The following CDKAL1 variants were observed in gnomAD, a reference collection of about 807,000 sequenced individuals.
CDKAL1 encodes threonylcarbamoyladenosine tRNA methylthiotransferase.
A neutral mutation model predicts 68.2 loss-of-function variants in CDKAL1; 32 were observed. The observed-to-expected ratio is 0.47, with a 90% confidence interval of 0.35 to 0.63. The LOEUF is 0.63. Ranked by LOEUF, CDKAL1 falls within the 30% of genes least tolerant of loss-of-function variation. CDKAL1 has a pLI of 0.00. For missense variants in CDKAL1, 606 were observed against 696.7 expected, an observed-to-expected ratio of 0.87 and a Z score of 1.47; for synonymous variants, 234 against 244.3, an observed-to-expected ratio of 0.96 and a Z score of 0.39.
At chr6:21,082,555 A>G (rs1386701570) in intron 12 of CDKAL1, among the ~76,000 whole-genome samples, 2 of 152,242 alleles carry the variant, frequency 1.3e-5, no homozygotes. Context: ...TACTCATCCG[A>G]TAAATTCAAA....
At chr6:21,161,676 G>C (rs533128889) in intron 13 of CDKAL1, among the ~76,000 whole-genome samples, 88 of 152,296 alleles carry the variant, frequency 5.8e-4, no homozygotes, top group Non-Finnish European at 1.1e-3. Context: ...AGAGAAAAGA[G>C]TCTCAAAATT....
intron 13 of CDKAL1, among the ~76,000 whole-genome samples, chr6:21,137,376 C>T (rs574038394): frequency 6.2e-4 from 95 of 152,136 alleles, no homozygotes; most frequent in African/African-American, 2.1e-3. Flanking sequence ...TGTACTTGAC[C>T]GTCACCGCCA....
intron 13 of CDKAL1, among the ~76,000 whole-genome samples, chr6:21,160,628 T>C (rs928803855): frequency 1.5e-5 from 2 of 137,392 alleles, no homozygotes; most frequent in African/African-American, 5.2e-5. Context: ...CTGTAATTTT[T>C]GGACACAGAC....
chr6:20,790,216 A>T (rs1775839274), intron 8 of CDKAL1, among the ~76,000 whole-genome samples: 1 of 152,214 alleles, frequency 6.6e-6, no homozygotes, highest in Non-Finnish European at 1.5e-5. Flanking sequence ...CAAGCACAAA[A>T]CAATAAAGTT....
At chr6:20,567,976 C>T (rs1165338190) in intron 4 of CDKAL1, among the ~76,000 whole-genome samples, 2 of 151,922 alleles carry the variant, frequency 1.3e-5, no homozygotes, top group South Asian at 4.2e-4. Context: ...CCCGGGTTCA[C>T]GCCATTCTCT....
intron 9 of CDKAL1, among the ~76,000 whole-genome samples, chr6:20,923,590 CTCTG>C (rs771644754): frequency 5.3e-5 from 8 of 152,192 alleles, no homozygotes; most frequent in Admixed American, 3.9e-4. Context: ...ATCTCCCTCT[CTCTG>C]TCTGTCTTTC....
At chr6:21,216,001 G>A (rs995078019) in intron 15 of CDKAL1, among the ~76,000 whole-genome samples, 7 of 152,148 alleles carry the variant, frequency 4.6e-5, no homozygotes, top group African/African-American at 1.7e-4. Context: ...AAAGGCAGGA[G>A]AATCAGAGGT....
At chr6:21,071,421 A>AAT (rs1771764076) in intron 12 of CDKAL1, among the ~76,000 whole-genome samples, 1 of 152,150 alleles carries the variant, frequency 6.6e-6, no homozygotes, top group Non-Finnish European at 1.5e-5. Context: ...CTCCCCAGCC[A>AAT]TGCGGAACTG....
At chr6:20,627,157 A>G (rs1767468941) in intron 4 of CDKAL1, among the ~76,000 whole-genome samples, 1 of 152,190 alleles carries the variant, frequency 6.6e-6, no homozygotes, top group Non-Finnish European at 1.5e-5. Flanking sequence ...AAAGTCCAGA[A>G]TGTCTGCTTG....
At chr6:21,014,612 TAA>T (rs34834774) in intron 11 of CDKAL1, among the ~76,000 whole-genome samples, 33 of 126,568 alleles carry the variant, frequency 2.6e-4, no homozygotes, top group Middle Eastern at 4.1e-3. Flanking sequence ...CTCCGTCTCA[TAA>T]AAAAAAAAAA....
chr6:21,090,430 T>C (rs1393946538), intron 12 of CDKAL1, among the ~76,000 whole-genome samples: 1 of 152,226 alleles, frequency 6.6e-6, no homozygotes, highest in African/African-American at 2.4e-5. Context: ...ACACAGTTTC[T>C]TCTGTCTTTG....
intron 5 of CDKAL1, among the ~76,000 whole-genome samples, chr6:20,663,728 A>G (rs9465859): frequency 0.069 from 10,439 of 152,172 alleles, 1,161 homozygotes; most frequent in African/African-American, 0.23. Context: ...TGATATAATA[A>G]TCATAAGCCT....
intron 11 of CDKAL1, among the ~76,000 whole-genome samples, chr6:21,009,394 G>A (rs1030693615): frequency 2.0e-5 from 3 of 151,966 alleles, no homozygotes; most frequent in Non-Finnish European, 2.9e-5. Flanking sequence ...AGTCAATATC[G>A]CCTCCTTTTT....
At chr6:21,115,497 T>C (rs1275466306) in intron 13 of CDKAL1, among the ~76,000 whole-genome samples, 2 of 152,244 alleles carry the variant, frequency 1.3e-5, no homozygotes, top group South Asian at 2.1e-4. Context: ...AAACAAGTTA[T>C]TGATTTGGCA....
chr6:20,607,551 A>T (rs188089878), intron 4 of CDKAL1, among the ~76,000 whole-genome samples: 14,297 of 151,990 alleles, frequency 0.094, 778 homozygotes, highest in African/African-American at 0.12. Context: ...AGTGGTGGCT[A>T]CCGATATTTA....
chr6:20,717,309 A>T (rs1581436711), intron 5 of CDKAL1, among the ~76,000 whole-genome samples: 1 of 151,900 alleles, frequency 6.6e-6, no homozygotes, highest in African/African-American at 2.4e-5. Flanking sequence ...ACATGCGTAT[A>T]TTTATGCTAT....
intron 5 of CDKAL1, among the ~76,000 whole-genome samples, chr6:20,734,484 A>G (rs1773096493): frequency 6.6e-6 from 1 of 152,162 alleles, no homozygotes; most frequent in Non-Finnish European, 1.5e-5. Context: ...TGCTGGGTAC[A>G]TTTTTAAAGG....
chr6:20,930,862 A>T (rs900188286), intron 9 of CDKAL1, among the ~76,000 whole-genome samples: 4 of 151,646 alleles, frequency 2.6e-5, no homozygotes, highest in African/African-American at 9.7e-5. Flanking sequence ...CTGCTGCCTC[A>T]GCCTCCCGAG....
chr6:21,223,601 A>G (rs1355561511), intron 15 of CDKAL1, among the ~76,000 whole-genome samples: 1 of 149,462 alleles, frequency 6.7e-6, no homozygotes, highest in African/African-American at 2.6e-5. Flanking sequence ...ACTTCCTTCC[A>G]TTGGAAGCCC....
Sources: allele counts gnomAD v4.1 joint callset (sites outside exome capture counted in the v4.1 genomes callset), GRCh38; gene constraint gnomAD v4.1.1; transcripts MANE v1.5; gene names NCBI Gene and HGNC (gene_info 2026-07-23, HGNC 2026-07-21).